Variants in AGBL1 observed in about 807,000 individuals in gnomAD.
AGBL1 encodes cytosolic carboxypeptidase 4.
Under a neutral mutation model 118.9 loss-of-function variants are expected in AGBL1, and 130 were observed. The ratio of observed to expected loss-of-function variants is 1.09; its 90% confidence interval spans 0.95 to 1.26. AGBL1 has a LOEUF of 1.26. Among genes scored for constraint, AGBL1 ranks in the 50% most tolerant of loss-of-function variants. The probability of loss-of-function intolerance (pLI) is 0.00; values close to 1 mark genes in which losing one functional copy is unlikely to be tolerated. For synonymous variants in AGBL1, 555 were observed against 478.9 expected (o/e 1.16, Z -2.08); for missense variants, 1,584 against 1,298.1 (o/e 1.22, Z -3.38).
At chr15:87,011,285 C>T (rs1410853831) in intron 24 of AGBL1, among the ~76,000 whole-genome samples, 1 of 152,122 alleles carries the variant, frequency 6.6e-6, no homozygotes, top group Non-Finnish European at 1.5e-5. Flanking sequence ...GGAGAAGAGG[C>T]CCACTCCCAC....
intron 1 of AGBL1, among the ~76,000 whole-genome samples, chr15:86,138,588 T>A (rs1230872445): frequency 6.6e-6 from 1 of 152,240 alleles, no homozygotes; most frequent in African/African-American, 2.4e-5. Context: ...GCGAGATGAA[T>A]GCATGAATCA....
intron 24 of AGBL1, among the ~76,000 whole-genome samples, chr15:87,006,360 G>A (rs931454326): frequency 3.9e-5 from 6 of 152,220 alleles, no homozygotes; most frequent in South Asian, 2.1e-4. Context: ...CTTCCCTGCC[G>A]CTTTGTTTAC....
chr15:86,351,955 A>C (rs904573902), intron 17 of AGBL1, among the ~76,000 whole-genome samples: 1 of 152,178 alleles, frequency 6.6e-6, no homozygotes, highest in African/African-American at 2.4e-5. Context: ...CTAGTGTAGC[A>C]GGCACATGAT....
chr15:86,268,009 T>G (rs1191669610), intron 13 of AGBL1, among the ~76,000 whole-genome samples: 8 of 152,294 alleles, frequency 5.3e-5, no homozygotes, highest in Non-Finnish European at 8.8e-5. Flanking sequence ...ACCTACTACT[T>G]TGGGATTTCA....
At chr15:86,636,310 C>G (rs1271245913) in intron 21 of AGBL1, among the ~76,000 whole-genome samples, 1 of 152,058 alleles carries the variant, frequency 6.6e-6, no homozygotes, top group Non-Finnish European at 1.5e-5. Context: ...TCCACTGATG[C>G]TCTGTTTCAG....
At chr15:86,830,414 A>G (rs1290458330) in intron 22 of AGBL1, among the ~76,000 whole-genome samples, 1 of 152,122 alleles carries the variant, frequency 6.6e-6, no homozygotes, top group Non-Finnish European at 1.5e-5. Flanking sequence ...TCTGTCTTTA[A>G]TCCTTCCAGA....
At chr15:86,516,032 A>G (rs1044194604) in intron 18 of AGBL1, among the ~76,000 whole-genome samples, 3 of 152,212 alleles carry the variant, frequency 2.0e-5, no homozygotes, top group African/African-American at 7.2e-5. Context: ...ATAGGTAGAT[A>G]AGAGACAAAC....
At chr15:86,224,083 A>G (rs539431517) in intron 5 of AGBL1, among the ~76,000 whole-genome samples, 16 of 152,294 alleles carry the variant, frequency 1.1e-4, no homozygotes, top group Admixed American at 9.8e-4. Context: ...TGGTGGAAAC[A>G]GATCACTGCT....
intron 1 of AGBL1, among the ~76,000 whole-genome samples, chr15:86,084,546 CT>C (rs1386751936): frequency 6.6e-6 from 1 of 152,222 alleles, no homozygotes; most frequent in African/African-American, 2.4e-5. Context: ...TTTTGTTCCC[CT>C]AAAGCCTTTT....
Position 86,956,216 on chromosome 15 carries a change from A to AC in AGBL1, c.3222-31771_3222-31770insC, listed in dbSNP as rs2080929012. On this transcript the variant is annotated intron_variant, in intron 23 of 24. Coordinates refer to the AGBL1 transcript ENST00000441037. ...ATATAGATAGGTAGATAGATGATTG[A>AC]TTAGATAGATAGATAGATAGATAGA... Among the ~76,000 whole-genome samples, 16 of 114,038 alleles carry AC rather than the reference A, an allele frequency of 1.4e-4. No individual in the cohort carries two copies. The South Asian group carries it at 5.2e-3, about 37-fold the overall frequency. The allele number at this position is 114,038 out of a possible 152,430, so 74.8% of individuals were successfully genotyped here. A position where few individuals can be genotyped will look rare whatever the true frequency, so the allele number is the denominator to read the frequency against.
chr15:86,695,781 T>C (rs986586121), intron 22 of AGBL1, among the ~76,000 whole-genome samples: 4 of 152,008 alleles, frequency 2.6e-5, no homozygotes, highest in Non-Finnish European at 4.4e-5. Flanking sequence ...TCAGAGGTTT[T>C]AATGGGTTGT....
chr15:86,965,545 G>A (rs1304592601), intron 23 of AGBL1, among the ~76,000 whole-genome samples: 1 of 151,866 alleles, frequency 6.6e-6, no homozygotes, highest in African/African-American at 2.4e-5. Context: ...TTTGTCAGAT[G>A]GATAGATTGA....
intron 17 of AGBL1, among the ~76,000 whole-genome samples, chr15:86,324,561 C>G (rs2080155460): frequency 6.6e-6 from 1 of 152,182 alleles, no homozygotes; most frequent in Non-Finnish European, 1.5e-5. Context: ...TTGGCATCTA[C>G]TAGGTACCAG....
rs542751438 is a variant in AGBL1 at position 86,996,607 on chromosome 15, A to G, written c.3323+8519A>G. Among the ~76,000 whole-genome samples, 71 of 152,306 alleles carry G rather than the reference A, an allele frequency of 4.7e-4. 1 individual carries two copies. The highest frequency in any genetic ancestry group is 1.5e-3 in the African/African-American group (63 of 41,566). On this transcript the variant is annotated intron_variant, in intron 24 of 24. Coordinates refer to the AGBL1 transcript ENST00000441037. ...ACAGAGCAAGACCTTGTCTCAAAGC[A>G]TATACCTAGCATATACCTAAGAGTA...
chr15:86,744,097 T>C (rs2077720099), intron 22 of AGBL1, among the ~76,000 whole-genome samples: 1 of 152,116 alleles, frequency 6.6e-6, no homozygotes, highest in Admixed American at 6.6e-5. Context: ...GACCAGATTC[T>C]TGCTGAGAAA....
intron 21 of AGBL1, among the ~76,000 whole-genome samples, chr15:86,660,958 C>A (rs901753776): frequency 2.6e-5 from 4 of 152,082 alleles, no homozygotes; most frequent in Admixed American, 2.0e-4. Context: ...AACTTGAATG[C>A]CTACAGGAGC....
chr15:86,444,543 C>G (rs758414724), intron 18 of AGBL1, among the ~76,000 whole-genome samples: 1 of 152,168 alleles, frequency 6.6e-6, no homozygotes, highest in South Asian at 2.1e-4. Context: ...TGGGGGCAGG[C>G]CAACCTGCCT....
chr15:86,763,761 T>C (rs914177953), intron 22 of AGBL1, among the ~76,000 whole-genome samples: 4 of 152,064 alleles, frequency 2.6e-5, no homozygotes, highest in African/African-American at 9.6e-5. Context: ...TTGGTTTCTT[T>C]AGCTGTGAAA....
chr15:86,941,354 T>C (rs1329461810), intron 23 of AGBL1, among the ~76,000 whole-genome samples: 2 of 152,230 alleles, frequency 1.3e-5, no homozygotes, highest in Non-Finnish European at 2.9e-5. Flanking sequence ...TTAACAGTTA[T>C]GGTAATATAA....
Sources: gnomAD v4.1 joint callset for allele counts (sites outside exome capture counted in the v4.1 genomes callset) on GRCh38, gnomAD v4.1.1 for gene constraint, MANE v1.5 for transcripts, NCBI Gene and HGNC (gene_info 2026-07-23, HGNC 2026-07-21) for gene names.